The following FYB1 variants were observed in gnomAD, a reference collection of about 807,000 sequenced individuals.
FYB1 encodes FYN-binding protein 1.
Under a neutral mutation model 94.1 loss-of-function variants are expected in FYB1, and 41 were observed. The observed-to-expected ratio is 0.44, with a 90% CI of 0.34 to 0.57. The LOEUF is 0.57. Among genes scored for constraint, FYB1 ranks in the 20% least tolerant of loss-of-function variants. The pLI is 0.02. For synonymous variants in FYB1, 367 were observed against 353.2 expected, an observed-to-expected ratio of 1.04 and a Z score of -0.44; for missense variants, 1,050 against 976.8, an observed-to-expected ratio of 1.07 and a Z score of -1.00.
chr5:39,161,862 C>A (rs780071483), intron 2 of FYB1, among the ~76,000 whole-genome samples: 5 of 152,226 alleles, frequency 3.3e-5, no homozygotes, highest in Non-Finnish European at 5.9e-5. Flanking sequence ...TATCCCCAAA[C>A]CTTGCTGCCA....
chr5:39,273,061 G>T (rs1035513938), intron 1 of FYB1, among the ~76,000 whole-genome samples: 1 of 152,320 alleles, frequency 6.6e-6, no homozygotes, highest in South Asian at 2.1e-4. Context: ...CCGTCCGGGA[G>T]GTGGGGGGCG....
At chr5:39,270,077 CTGTT>C (rs909290725) in intron 1 of FYB1, among the ~76,000 whole-genome samples, 6 of 152,120 alleles carry the variant, frequency 3.9e-5, no homozygotes, top group Non-Finnish European at 7.4e-5. Context: ...AAGGTTAAGA[CTGTT>C]TGGGCTTTTT....
intron 1 of FYB1, among the ~76,000 whole-genome samples, chr5:39,204,179 G>A (rs1202807953): frequency 6.6e-6 from 1 of 152,138 alleles, no homozygotes; most frequent in Admixed American, 6.5e-5. Flanking sequence ...CCTGACTCAT[G>A]CACACTTCAG....
intron 1 of FYB1, among the ~76,000 whole-genome samples, chr5:39,224,655 T>C (rs1333577143): frequency 6.6e-6 from 1 of 152,108 alleles, no homozygotes; most frequent in African/African-American, 2.4e-5. Context: ...AGAAAAGAAA[T>C]GGGTTCTGCT....
chr5:39,210,542 G>A (rs575304707), intron 1 of FYB1, among the ~76,000 whole-genome samples: 2 of 152,140 alleles, frequency 1.3e-5, no homozygotes, highest in Non-Finnish European at 2.9e-5. Flanking sequence ...TGCATCAGTT[G>A]GATTTTTGTG....
chr5:39,141,116 C>T lies in FYB1; in HGVS notation c.1318G>A (p.Asp440Asn), dbSNP rs1440962404. 1.9e-6 allele frequency: 3 copies of T among 1,592,778 alleles called. No homozygotes were observed. Among genetic ancestry groups the T allele is most frequent in the Admixed American group, 3.5e-5 (2 of 57,320 alleles). Residue 440 changes from aspartate to asparagine, a missense_variant, in exon 4 of 19, where the codon GAT becomes AAT. Transcript: ENST00000512982. Reference sequence around the variant, plus strand: ...TTACCATCAGAGTGCGTGACACCATCTTGATTGTCTTCATTGACAGGGCTT... The same window carrying T: ...TTACCATCAGAGTGCGTGACACCATTTTGATTGTCTTCATTGACAGGGCTT... ...LKSPVNEDNQ[D>N]GVTHSDGAGN...
chr5:39,208,220 G>A (rs1371308213), intron 1 of FYB1, among the ~76,000 whole-genome samples: 1 of 152,122 alleles, frequency 6.6e-6, no homozygotes, highest in South Asian at 2.1e-4. Context: ...TGGAAGCCAG[G>A]TTTTACCTCC....
chr5:39,236,437 A>G (rs1433637409), intron 1 of FYB1, among the ~76,000 whole-genome samples: 1 of 152,116 alleles, frequency 6.6e-6, no homozygotes, highest in African/African-American at 2.4e-5. Flanking sequence ...ATTAATGTAG[A>G]TCCAATTTCT....
At chr5:39,193,075 A>G (rs936943982) in intron 2 of FYB1, among the ~76,000 whole-genome samples, 5 of 152,172 alleles carry the variant, frequency 3.3e-5, no homozygotes, top group Admixed American at 6.5e-5. Flanking sequence ...CAGACCTGGA[A>G]CTTCCCCATA....
intron 1 of FYB1, among the ~76,000 whole-genome samples, chr5:39,243,256 G>A (rs985756624): frequency 3.9e-5 from 6 of 152,100 alleles, no homozygotes; most frequent in South Asian, 2.1e-4. Context: ...TTTTCTTCTA[G>A]GGTTTTTATG....
chr5:39,184,893 T>C (rs1304464191), intron 2 of FYB1, among the ~76,000 whole-genome samples: 1 of 152,154 alleles, frequency 6.6e-6, no homozygotes, highest in Non-Finnish European at 1.5e-5. Flanking sequence ...ACAGAAATTA[T>C]ATGTATTTTA....
At chr5:39,110,298 A>T in intron 17 of FYB1, 58 bp downstream of exon 17, 1 of 1,073,134 alleles carries the variant, frequency 9.3e-7, no homozygotes, top group Non-Finnish European at 1.4e-6. Context: ...TAAATATTTT[A>T]AAAAGAAAGG....
At chr5:39,155,684 T>A (rs967199306) in intron 2 of FYB1, among the ~76,000 whole-genome samples, 1 of 152,154 alleles carries the variant, frequency 6.6e-6, no homozygotes, top group African/African-American at 2.4e-5. Context: ...GTTTTTTTGT[T>A]GTTGTTGTTT....
At chr5:39,172,654 G>T (rs1485676830) in intron 2 of FYB1, among the ~76,000 whole-genome samples, 1 of 152,100 alleles carries the variant, frequency 6.6e-6, no homozygotes, top group Non-Finnish European at 1.5e-5. Context: ...TTACATTCAT[G>T]TGTATTCAGT....
chr5:39,114,378 C>T (rs1169503835), intron 16 of FYB1, among the ~76,000 whole-genome samples: 2 of 152,126 alleles, frequency 1.3e-5, no homozygotes, highest in African/African-American at 4.8e-5. Flanking sequence ...GAGACTTGAT[C>T]GAATGTGATA....
chr5:39,143,385 T>C (rs1473243944), intron 3 of FYB1, among the ~76,000 whole-genome samples: 2 of 149,834 alleles, frequency 1.3e-5, no homozygotes, highest in South Asian at 2.1e-4. Context: ...CAGTTCCCCA[T>C]ACTAATTTAC....
chr5:39,111,038 A>G (rs188950347), intron 16 of FYB1, among the ~76,000 whole-genome samples: 2 of 152,114 alleles, frequency 1.3e-5, no homozygotes, highest in African/African-American at 4.8e-5. Context: ...TATGGATTCT[A>G]TGATGCCTGG....
intron 2 of FYB1, among the ~76,000 whole-genome samples, chr5:39,185,849 A>G (rs1441488963): frequency 6.6e-6 from 1 of 152,034 alleles, no homozygotes; most frequent in Non-Finnish European, 1.5e-5. Flanking sequence ...GGGAGCAGGT[A>G]GGGGCCCATG....
intron 2 of FYB1, among the ~76,000 whole-genome samples, chr5:39,173,366 G>A (rs1745432140): frequency 6.6e-6 from 1 of 152,006 alleles, no homozygotes; most frequent in East Asian, 1.9e-4. Context: ...CATAGTTTCT[G>A]AACATTTTCT....
Sources: gnomAD v4.1 joint callset for allele counts (sites outside exome capture counted in the v4.1 genomes callset) on GRCh38, gnomAD v4.1.1 for gene constraint, MANE v1.5 for transcripts, NCBI Gene and HGNC (gene_info 2026-07-23, HGNC 2026-07-21) for gene names.